SEMA3A: variants seen among roughly 807,000 people sequenced by gnomAD.
SEMA3A encodes the protein semaphorin-3A.
In SEMA3A, 29 loss-of-function variants were observed where a neutral mutation model predicts 97.9. The ratio of observed to expected loss-of-function variants is 0.30; its 90% CI spans 0.22 to 0.40. SEMA3A has a LOEUF of 0.40. SEMA3A is among the 10% of genes least tolerant of loss of function. The probability of loss-of-function intolerance (pLI) is 1.00; values close to 1 mark genes in which losing one functional copy is unlikely to be tolerated. For missense variants in SEMA3A, 763 were observed against 951.3 expected (o/e 0.80, Z 2.60); for synonymous variants, 321 against 323.7 (o/e 0.99, Z 0.09).
intron 6 of SEMA3A, among the ~76,000 whole-genome samples, chr7:84,023,272 A>G (rs1003772830): frequency 1.3e-5 from 2 of 152,212 alleles, no homozygotes; most frequent in Non-Finnish European, 2.9e-5. Flanking sequence ...TCTCAGCATT[A>G]GAATCAGACT....
chr7:84,321,496 T>A (rs534211912), intron 2 of SEMA3A, among the ~76,000 whole-genome samples: 1 of 152,228 alleles, frequency 6.6e-6, no homozygotes, highest in East Asian at 1.9e-4. Flanking sequence ...ATATAATTGC[T>A]CTGCAACTAA....
intron 1 of SEMA3A, among the ~76,000 whole-genome samples, chr7:84,451,242 C>T (rs1016072495): frequency 6.6e-6 from 1 of 152,130 alleles, no homozygotes; most frequent in African/African-American, 2.4e-5. Context: ...GTTTTCTCAG[C>T]ACCAACTCTT....
chr7:84,135,003 G>A, intron 1 of SEMA3A, 52 bp from the exon 2 acceptor site: 2 of 1,470,442 alleles, frequency 1.4e-6, no homozygotes, highest in Non-Finnish European at 9.4e-7. Context: ...CACTATATAA[G>A]CATAGACTGT....
At chr7:84,352,668 C>G (rs1802466208) in intron 2 of SEMA3A, among the ~76,000 whole-genome samples, 1 of 151,804 alleles carries the variant, frequency 6.6e-6, no homozygotes, top group Non-Finnish European at 1.5e-5. Context: ...TGTGAGGCAT[C>G]TTAAGGGCCG....
chr7:84,423,991 A>T (rs1366480590), intron 1 of SEMA3A, among the ~76,000 whole-genome samples: 3 of 151,886 alleles, frequency 2.0e-5, no homozygotes, highest in African/African-American at 7.2e-5. Flanking sequence ...AATCAAAAAC[A>T]ATAGATGTTG....
chr7:84,318,838 G>A (rs1427017832), intron 2 of SEMA3A, among the ~76,000 whole-genome samples: 12 of 152,050 alleles, frequency 7.9e-5, no homozygotes, highest in Admixed American at 7.9e-4. Context: ...TATGTAAATG[G>A]CTATCACAAA....
chr7:84,229,983 C>G (rs112348641), intron 3 of SEMA3A, among the ~76,000 whole-genome samples: 5 of 151,996 alleles, frequency 3.3e-5, no homozygotes, highest in East Asian at 1.9e-4. Flanking sequence ...ATCTTACCCC[C>G]CCTTTACTCT....
At chr7:84,452,931 A>C (rs1354688817) in intron 1 of SEMA3A, among the ~76,000 whole-genome samples, 3 of 152,118 alleles carry the variant, frequency 2.0e-5, no homozygotes, top group Non-Finnish European at 4.4e-5. Context: ...GGGGGAAGTA[A>C]ATCTTTATAC....
Position 83,977,070 on chromosome 7 carries a change from A to G in SEMA3A, c.1717+62T>C, listed in dbSNP as rs577922042. ...GCATACATTGCATGCATATGCATGA[A>G]TATGCATTATTATGATTTTAGCCTG... On this transcript the variant is annotated intron_variant, in intron 15 of 16. Transcript: ENST00000265362. 7.0e-5 allele frequency: 63 copies of G among 900,752 alleles called. 1 individual carries two copies. The South Asian group carries it at 1.2e-3, about 17-fold the overall frequency. 55.8% of individuals were successfully genotyped at this position (900,752 alleles called of 1,614,324 possible). A position where few individuals can be genotyped will look rare whatever the true frequency, so the allele number is the denominator to read the frequency against.
chr7:84,424,489 T>C (rs1199482576), intron 1 of SEMA3A, among the ~76,000 whole-genome samples: 1 of 106,248 alleles, frequency 9.4e-6, no homozygotes, highest in Non-Finnish European at 1.7e-5. Context: ...AATATATTGA[T>C]ATATAATATA....
chr7:84,180,960 C>T (rs950450672), intron 1 of SEMA3A, among the ~76,000 whole-genome samples: 29 of 151,922 alleles, frequency 1.9e-4, no homozygotes, highest in South Asian at 6.2e-4. Flanking sequence ...TAAGTAAATA[C>T]ATTAAAATAA....
intron 2 of SEMA3A, among the ~76,000 whole-genome samples, chr7:84,336,492 T>C (rs898011204): frequency 2.0e-5 from 3 of 152,092 alleles, no homozygotes; most frequent in Admixed American, 2.0e-4. Context: ...AATGAGTAGA[T>C]GGAACTAAAA....
At chr7:84,405,764 T>A (rs1804066104) in intron 1 of SEMA3A, among the ~76,000 whole-genome samples, 1 of 152,110 alleles carries the variant, frequency 6.6e-6, no homozygotes, top group Non-Finnish European at 1.5e-5. Flanking sequence ...CTCAACTACA[T>A]GGAAACTGAA....
intron 3 of SEMA3A, among the ~76,000 whole-genome samples, chr7:84,277,471 C>T (rs543281789): frequency 3.3e-5 from 5 of 152,122 alleles, no homozygotes; most frequent in African/African-American, 4.8e-5. Flanking sequence ...ATACTTTCGA[C>T]GGAAAGAAAT....
At chr7:83,979,011 T>TTTA (rs1192634423) in intron 14 of SEMA3A, among the ~76,000 whole-genome samples, 2 of 152,236 alleles carry the variant, frequency 1.3e-5, no homozygotes, top group Non-Finnish European at 1.5e-5. Context: ...TGATTTTCTT[T>TTTA]TTATCTCTTT....
intron 1 of SEMA3A, among the ~76,000 whole-genome samples, chr7:84,162,108 G>T (rs1472216120): frequency 6.6e-6 from 1 of 152,088 alleles, no homozygotes; most frequent in Non-Finnish European, 1.5e-5. Flanking sequence ...TTCATATAGT[G>T]CCTGTTGAAT....
intron 1 of SEMA3A, among the ~76,000 whole-genome samples, chr7:84,184,723 T>C (rs1292191377): frequency 6.6e-6 from 1 of 152,088 alleles, no homozygotes; most frequent in East Asian, 1.9e-4. Flanking sequence ...TAACTTTCAC[T>C]CTGGAGCTTG....
chr7:84,406,426 AAG>A lies in SEMA3A; in HGVS notation c.-245-34528_-245-34527del, dbSNP rs929727010. Among the ~76,000 whole-genome samples the A allele has an allele frequency of 2.4e-4, 36 of 152,266 alleles. No homozygotes were observed. In the East Asian group the frequency reaches 5.4e-3, roughly 23 times the overall value. On this transcript the variant is annotated intron_variant, in intron 1 of 3. Transcript: ENST00000424555. ...TAATTAATAGTTTACCAACCAAAAA[AAG>A]TCCAGGACAAGATGGATTCACAGCC...
At chr7:84,341,528 G>T (rs1427648185) in intron 2 of SEMA3A, among the ~76,000 whole-genome samples, 1 of 151,760 alleles carries the variant, frequency 6.6e-6, no homozygotes, top group Non-Finnish European at 1.5e-5. Context: ...AACCTAGGAG[G>T]CGTTATTTCC....
Sources: gnomAD v4.1 joint callset for allele counts (sites outside exome capture counted in the v4.1 genomes callset) on GRCh38, gnomAD v4.1.1 for gene constraint, MANE v1.5 for transcripts, NCBI Gene and HGNC (gene_info 2026-07-23, HGNC 2026-07-21) for gene names.